CSGALNACT2: variants seen among roughly 807,000 people sequenced by gnomAD.
CSGALNACT2 encodes beta 4 GalNAcT-2.
Under a neutral mutation model 55.3 loss-of-function variants are expected in CSGALNACT2, and 35 were observed. The observed-to-expected ratio is 0.63, with a 90% confidence interval of 0.48 to 0.84. The LOEUF (loss-of-function observed/expected upper bound fraction) is 0.84. Ranked by LOEUF, CSGALNACT2 falls within the 40% of genes least tolerant of loss-of-function variation. The pLI, the probability that CSGALNACT2 is intolerant of heterozygous loss-of-function variation, is 0.00. For synonymous variants in CSGALNACT2, 196 were observed against 224.9 expected (o/e 0.87, Z 1.15); for missense variants, 544 against 657.5 (o/e 0.83, Z 1.89).
Position 43,155,273 on chromosome 10 carries a change from G to T in CSGALNACT2, c.124G>T (p.Ala42Ser), listed in dbSNP as rs776953921. Reference sequence around the variant, plus strand: ...ATGTGCCCCCCAGACTGATGGAAATGCATCTCTTCCTGGTGTTGTTGGGGA... The same window carrying T: ...ATGTGCCCCCCAGACTGATGGAAATTCATCTCTTCCTGGTGTTGTTGGGGA... ...LECAPQTDGN[A>S]SLPGVVGENY... Residue 42 changes from alanine (A) to serine (S), a missense_variant, in exon 2 of 8, where the codon GCA becomes TCA. Around this residue, in one of 2 missense-constraint regions of CSGALNACT2, gnomAD observed 374 missense variants for 401.3 expected, o/e 0.93. Transcript: ENST00000374466. The T allele has an allele frequency of 6.2e-7, 1 of 1,614,122 alleles. No homozygotes were observed. Among genetic ancestry groups the T allele is most frequent in the South Asian group, 1.1e-5 (1 of 91,084 alleles).
chr10:43,166,767 G>A (rs1477459938), intron 5 of CSGALNACT2, among the ~76,000 whole-genome samples: 7 of 152,164 alleles, frequency 4.6e-5, no homozygotes, highest in Non-Finnish European at 1.0e-4. Flanking sequence ...GGGAATAAAC[G>A]TGAAGCACCC....
intron 1 of CSGALNACT2, among the ~76,000 whole-genome samples, chr10:43,143,537 G>GTGTGTGTA (rs1564508132): frequency 7.0e-6 from 1 of 143,224 alleles, no homozygotes; most frequent in African/African-American, 2.6e-5. Flanking sequence ...GTGTGTGTGT[G>GTGTGTGTA]GAATCATAAT....
Position 43,155,605 on chromosome 10 carries a change from C to T in CSGALNACT2, c.456C>T (p.Thr152=), listed in dbSNP as rs752910250. Residue 152 remains threonine, a synonymous_variant, in exon 2 of 8, where the codon ACC becomes ACT. Transcript: ENST00000374466. ...EYGVIPFESF[T]LMKVFQLEMG... ...GGGTCATTCCCTTTGAAAGTTTTACCTTAATGAAAGTATTTCAATTGGAAA... is the reference window on the plus strand; with the variant it reads ...GGGTCATTCCCTTTGAAAGTTTTACTTTAATGAAAGTATTTCAATTGGAAA... 6.2e-7 allele frequency: 1 copy of T among 1,614,066 alleles called. No homozygotes were observed. The highest frequency in any genetic ancestry group is 8.5e-7 in the Non-Finnish European group (1 of 1,180,014).
chr10:43,170,479 G>A (rs1194618855), intron 6 of CSGALNACT2, among the ~76,000 whole-genome samples: 2 of 152,188 alleles, frequency 1.3e-5, no homozygotes, highest in Non-Finnish European at 2.9e-5. Flanking sequence ...CAGTGCCCAA[G>A]CTGGAACAAC....
chr10:43,167,234 G>T, intron 6 of CSGALNACT2, 136 bp downstream of exon 6: 1 of 613,154 alleles, frequency 1.6e-6, no homozygotes, highest in South Asian at 2.0e-5. Flanking sequence ...TATAGTTATT[G>T]TAAGCACATT....
At chr10:43,161,533 T>G (rs1839148966) in intron 4 of CSGALNACT2, among the ~76,000 whole-genome samples, 1 of 152,206 alleles carries the variant, frequency 6.6e-6, no homozygotes, top group Non-Finnish European at 1.5e-5. Context: ...GTGTTCCAGG[T>G]ACACTGCTTG....
intron 2 of CSGALNACT2, among the ~76,000 whole-genome samples, chr10:43,157,023 T>G (rs1839025992): frequency 6.6e-6 from 1 of 152,276 alleles, no homozygotes; most frequent in Non-Finnish European, 1.5e-5. Context: ...GAGGGCATTA[T>G]GCTTTGCAGT....
chr10:43,156,232 C>T (rs927537947), intron 2 of CSGALNACT2, among the ~76,000 whole-genome samples: 13 of 151,954 alleles, frequency 8.6e-5, no homozygotes, highest in Non-Finnish European at 1.5e-4. Context: ...AGCTATTTTT[C>T]GTATTGGAGG....
intron 7 of CSGALNACT2, among the ~76,000 whole-genome samples, chr10:43,180,211 T>G (rs900271353): frequency 6.6e-6 from 1 of 152,254 alleles, no homozygotes; most frequent in Non-Finnish European, 1.5e-5. Context: ...TTCTGTTCCC[T>G]TGTTTCCTTT....
chr10:43,156,973 G>A (rs770753530), intron 2 of CSGALNACT2, among the ~76,000 whole-genome samples: 8 of 152,338 alleles, frequency 5.3e-5, no homozygotes, highest in Non-Finnish European at 8.8e-5. Context: ...CTGCACTGTA[G>A]CATTATTATA....
chr10:43,168,690 ACACAC>A (rs1188981472), intron 6 of CSGALNACT2, among the ~76,000 whole-genome samples: 17 of 143,086 alleles, frequency 1.2e-4, no homozygotes, highest in African/African-American at 1.7e-4. Context: ...ACACACACAC[ACACAC>A]ACACACACAC....
intron 5 of CSGALNACT2, among the ~76,000 whole-genome samples, chr10:43,165,507 TG>T (rs898339594): frequency 4.6e-5 from 7 of 151,436 alleles, no homozygotes; most frequent in Non-Finnish European, 7.4e-5. Context: ...AACATTGGGG[TG>T]GGGGGGTGCT....
chr10:43,161,740 G>A (rs2133125315), intron 4 of CSGALNACT2, among the ~76,000 whole-genome samples: 1 of 152,286 alleles, frequency 6.6e-6, no homozygotes, highest in Middle Eastern at 3.4e-3. Flanking sequence ...CATGACTTCT[G>A]AGAGCCACAG....
At chr10:43,159,028 T>C in intron 3 of CSGALNACT2, 97 bp downstream of exon 3, 1 of 700,864 alleles carries the variant, frequency 1.4e-6, no homozygotes, top group South Asian at 1.8e-5. Flanking sequence ...TATAATTACT[T>C]AGAATAATTT....
Position 43,164,006 on chromosome 10 carries a change from C to A in CSGALNACT2, c.1121C>A (p.Ala374Asp). The change falls in exon 5 of 8, where the codon GCC becomes GAC. Residue 374 changes from alanine to aspartate, a missense_variant. By Grantham distance (126) the Ala-to-Asp change is moderately radical (BLOSUM62 -2). Coordinates refer to ENST00000374466, the MANE Select transcript of CSGALNACT2 (RefSeq NM_018590.5). Reference sequence around the variant, plus strand: ...TGTGATGTTGATATCTATTTCTCAGCCGAATTCCTTAACAGCTGCCGGTTA... The same window carrying A: ...TGTGATGTTGATATCTATTTCTCAGACGAATTCCTTAACAGCTGCCGGTTA... ...FFCDVDIYFS[A>D]EFLNSCRLNA... 1 of 1,613,826 alleles carries A rather than the reference C, an allele frequency of 6.2e-7. No individual in the cohort carries two copies. Among genetic ancestry groups the A allele is most frequent in the Non-Finnish European group, 8.5e-7 (1 of 1,179,856 alleles).
intron 7 of CSGALNACT2, among the ~76,000 whole-genome samples, chr10:43,181,068 T>C (rs960348607): frequency 6.6e-6 from 1 of 152,254 alleles, no homozygotes. Context: ...TTCTCTGATC[T>C]TCACCACTGA....
At chr10:43,146,191 C>T (rs576086999) in intron 1 of CSGALNACT2, among the ~76,000 whole-genome samples, 100 of 152,228 alleles carry the variant, frequency 6.6e-4, no homozygotes, top group Non-Finnish European at 7.1e-4. Flanking sequence ...TGGATCAGTA[C>T]GAGTCCCAAA....
chr10:43,171,729 G>A (rs1172430907), intron 6 of CSGALNACT2, among the ~76,000 whole-genome samples: 1 of 152,200 alleles, frequency 6.6e-6, no homozygotes, highest in Non-Finnish European at 1.5e-5. Flanking sequence ...TCTAGGTGTT[G>A]CATAGCAACT....
At chr10:43,156,050 G>A (rs1839000829) in intron 2 of CSGALNACT2, among the ~76,000 whole-genome samples, 1 of 152,150 alleles carries the variant, frequency 6.6e-6, no homozygotes, top group African/African-American at 2.4e-5. Flanking sequence ...AATAAAAATG[G>A]AGAATAAGGA....
Sources: gnomAD v4.1 joint callset for allele counts (sites outside exome capture counted in the v4.1 genomes callset) on GRCh38, gnomAD v4.1.1 for gene constraint, gnomAD v4.1.1 regional missense constraint, MANE v1.5 for transcripts, NCBI Gene and HGNC (gene_info 2026-07-23, HGNC 2026-07-21) for gene names.